Variants in SNAP47 observed in about 807,000 individuals in gnomAD.
The protein encoded by SNAP47 is synaptosome associated protein 47.
Under a neutral mutation model 31.4 loss-of-function variants are expected in SNAP47, and 20 were observed. The observed-to-expected ratio is 0.64, with a 90% CI of 0.45 to 0.93. SNAP47 has a LOEUF of 0.93. Ranked by LOEUF, SNAP47 falls within the 40% of genes least tolerant of loss-of-function variation. The pLI, the probability that SNAP47 is intolerant of heterozygous loss-of-function variation, is 0.00. For synonymous variants in SNAP47, 194 were observed against 213.4 expected (o/e 0.91, Z 0.79); for missense variants, 492 against 528.5 (o/e 0.93, Z 0.68).
Position 227,763,538 on chromosome 1 carries a change from C to T in SNAP47, c.989-3421C>T, listed in dbSNP as rs1298207719. Reference sequence around the variant, plus strand: ...AGGCGTCTTTTGAGGCAGGGAAGTTCCCACTGGAGCTGAAGCACCCAGGAG... The same window carrying T: ...AGGCGTCTTTTGAGGCAGGGAAGTTTCCACTGGAGCTGAAGCACCCAGGAG... On this transcript the variant is annotated intron_variant, in intron 3 of 4. Transcript: ENST00000617596. This position sits in a 1 kb window ranked among gnomAD's most constrained non-coding sequence, Gnocchi z 4.2. Among the ~76,000 whole-genome samples the T allele has an allele frequency of 6.6e-6, 1 of 152,158 alleles. No individual in the cohort carries two copies. Among genetic ancestry groups the T allele is most frequent in the Non-Finnish European group, 1.5e-5 (1 of 68,014 alleles).
intron 2 of SNAP47, among the ~76,000 whole-genome samples, chr1:227,756,870 C>T (rs565433328): frequency 2.0e-5 from 3 of 152,372 alleles, no homozygotes; most frequent in South Asian, 2.1e-4. Context: ...TGCTCAGGGA[C>T]GTTTCTCCCT....
chr1:227,757,244 T>C (rs1662754777), intron 2 of SNAP47, among the ~76,000 whole-genome samples: 1 of 152,216 alleles, frequency 6.6e-6, no homozygotes, highest in Admixed American at 6.5e-5. Context: ...ACTATAGGGC[T>C]AGGAGTCATC....
chr1:227,734,849 C>T (rs765342932), upstream of SNAP47: 3 of 1,612,084 alleles, frequency 1.9e-6, no homozygotes, highest in Non-Finnish European at 2.5e-6. Flanking sequence ...TGCCATCTCC[C>T]TGGGCCCCGT....
chr1:227,749,467 C>T (rs554177049), intron 2 of SNAP47, among the ~76,000 whole-genome samples: 2 of 152,292 alleles, frequency 1.3e-5, no homozygotes, highest in South Asian at 2.1e-4. Flanking sequence ...CTTGTGCCTG[C>T]GTGTTGCTGG....
chr1:227,779,834 T>C lies in SNAP47; in HGVS notation c.1114-693T>C, dbSNP rs936778395. 1.1e-4 allele frequency among the ~76,000 whole-genome samples: 16 copies of C among 152,092 alleles called. 1 individual carries two copies. The highest frequency in any genetic ancestry group is 2.4e-4 in the Non-Finnish European group (16 of 68,006). ...AGGGGACACATCTCTGTGCTAGCAT[T>C]CCTGGGGCGGCCCACCCCATCCAGC... On this transcript the variant is annotated intron_variant, in intron 4 of 4. Transcript: ENST00000617596.
At chr1:227,728,835 C>G (rs1340021225) in intron 1 of SNAP47, 2 of 152,354 alleles carry the variant, frequency 1.3e-5, no homozygotes, top group Non-Finnish European at 2.9e-5. Flanking sequence ...GGGGAACGGT[C>G]TCGGGAGCAG....
At chr1:227,732,011 G>A (rs1660681290), upstream of SNAP47, 1 of 283,866 alleles carries the variant, frequency 3.5e-6, no homozygotes, top group Admixed American at 4.6e-5. Context: ...AGCCAGGGGT[G>A]GTCCAATGGC....
chr1:227,736,686 G>GTTTTTTT (rs112159513), intron 1 of SNAP47, among the ~76,000 whole-genome samples: 230 of 110,896 alleles, frequency 2.1e-3, no homozygotes, highest in African/African-American at 3.2e-3. Context: ...TTTTGTTTTT[G>GTTTTTTT]TTTTTTTTTT....
Position 227,767,050 on chromosome 1 carries a change from C to T in SNAP47, c.1080C>T (p.Ala360=). Residue 360 remains alanine (A), a synonymous_variant, in exon 4 of 5, where the codon GCC becomes GCT. Transcript: ENST00000617596. ...TGCACCTGCAGACAAGCCTGCCAGC[C>T]CTTTCTGAGGCAGATACCCAGGAAC... The part of the protein sequence containing the change: ...TALHLQTSLP[A]LSEADTQELT... The T allele has an allele frequency of 6.2e-7, 1 of 1,614,096 alleles. No individual in the cohort carries two copies. The highest frequency in any genetic ancestry group is 2.2e-5 in the East Asian group (1 of 44,888).
rs972072654 is a variant in SNAP47 at position 227,762,816 on chromosome 1, G to C, written c.988+3331G>C. On this transcript the variant is annotated intron_variant, in intron 3 of 4. Transcript: ENST00000617596. This position sits in a 1 kb window ranked among gnomAD's most constrained non-coding sequence, Gnocchi z 4.2. The stretch of plus-strand genomic sequence containing the variant: ...GCTTCTGACAGCCTTCTGGAGGCTG[G>C]GCCAGGGCTTGCACAGCAGCCTCTG... Among the ~76,000 whole-genome samples, 5 of 152,194 alleles carry C rather than the reference G, an allele frequency of 3.3e-5. No homozygotes were observed. The highest frequency in any genetic ancestry group is 1.2e-4 in the African/African-American group (5 of 41,434).
At chr1:227,734,146 C>T (rs1660886555), upstream of SNAP47, 4 of 1,276,266 alleles carry the variant, frequency 3.1e-6, no homozygotes, top group East Asian at 7.3e-5. Context: ...CAGATGGCTG[C>T]AGCCCCCAAA....
In SNAP47 at chr1:227,755,686, G is replaced by A. The variant is rs772043409; in HGVS notation, c.498-3309G>A. 8.5e-4 allele frequency among the ~76,000 whole-genome samples: 130 copies of A among 152,082 alleles called. 2 individuals are homozygous for A. Among genetic ancestry groups the A allele is most frequent in the Admixed American group, 4.3e-3 (66 of 15,268 alleles). On this transcript the variant is annotated intron_variant, in intron 2 of 4. Coordinates refer to ENST00000617596, the MANE Select transcript of SNAP47 (RefSeq NM_053052.4). Reference sequence around the variant, plus strand: ...GGCGTGAGCCACCATACCCAGCCTAGTTTTTTTATTTTTTTGTAGAGATGG... The same window carrying A: ...GGCGTGAGCCACCATACCCAGCCTAATTTTTTTATTTTTTTGTAGAGATGG...
chr1:227,756,620 C>T (rs1022535700), intron 2 of SNAP47, among the ~76,000 whole-genome samples: 1 of 152,200 alleles, frequency 6.6e-6, no homozygotes, highest in Non-Finnish European at 1.5e-5. Context: ...GCTCTGCCCA[C>T]GTGTATTTCC....
chr1:227,753,726 G>A (rs1171599214), intron 2 of SNAP47, among the ~76,000 whole-genome samples: 1 of 152,026 alleles, frequency 6.6e-6, no homozygotes, highest in Non-Finnish European at 1.5e-5. Flanking sequence ...AATAGGAAAG[G>A]TTCCCTTGTC....
chr1:227,734,898 C>A, upstream of SNAP47: 1 of 1,568,690 alleles, frequency 6.4e-7, no homozygotes, highest in Non-Finnish European at 8.7e-7. Context: ...TCTCCAGGGG[C>A]CACGCGCCTG....
chr1:227,745,160 T>C (rs1158525144), intron 1 of SNAP47, among the ~76,000 whole-genome samples: 1 of 152,202 alleles, frequency 6.6e-6, no homozygotes, highest in Admixed American at 6.5e-5. Flanking sequence ...TTTAATGTGA[T>C]TTTCTATTGT....
At chr1:227,758,656 G>A (rs913322443) in intron 2 of SNAP47, among the ~76,000 whole-genome samples, 1 of 152,220 alleles carries the variant, frequency 6.6e-6, no homozygotes, top group African/African-American at 2.4e-5. Flanking sequence ...TAGCTCCCTA[G>A]ACAGTAAGTA....
upstream of SNAP47, chr1:227,732,788 G>A: frequency 6.3e-7 from 1 of 1,591,294 alleles, no homozygotes; most frequent in South Asian, 1.1e-5. Context: ...TAAGACAGAG[G>A]CACTGAGAAG....
intron 4 of SNAP47, among the ~76,000 whole-genome samples, chr1:227,779,961 C>T (rs530250932): frequency 3.4e-4 from 52 of 152,304 alleles, no homozygotes; most frequent in Admixed American, 1.6e-3. Flanking sequence ...TGCCCTCCAC[C>T]GTATGGAGAG....
Sources: gnomAD v4.1 joint callset for allele counts (sites outside exome capture counted in the v4.1 genomes callset) on GRCh38, gnomAD v4.1.1 for gene constraint, Gnocchi (gnomAD v3.1) non-coding constraint, MANE v1.5 for transcripts, NCBI Gene and HGNC (gene_info 2026-07-23, HGNC 2026-07-21) for gene names.